Variants in TRPM3 observed in about 807,000 individuals in gnomAD.
The protein encoded by TRPM3 is transient receptor potential cation channel subfamily M member 3.
TRPM3 carries 77 observed loss-of-function variants against 181.2 expected under a neutral mutation model. That is an observed-to-expected ratio of 0.42 (90% CI 0.35 to 0.51). The LOEUF is 0.51. Ranked by LOEUF, TRPM3 falls within the 20% of genes least tolerant of loss-of-function variation. The pLI is 0.01. For missense variants in TRPM3, 1,759 were observed against 2,196.7 expected, an observed-to-expected ratio of 0.80 and a Z score of 3.98; for synonymous variants, 745 against 796.4, an observed-to-expected ratio of 0.94 and a Z score of 1.09.
At chr9:71,238,427 C>A (rs1326255299) in intron 1 of TRPM3, among the ~76,000 whole-genome samples, 8 of 152,112 alleles carry the variant, frequency 5.3e-5, no homozygotes, top group Admixed American at 2.0e-4. Flanking sequence ...CTATGGTGCC[C>A]CCCTACTTTA....
chr9:71,430,640 C>A (rs761734226), intron 1 of TRPM3, among the ~76,000 whole-genome samples: 1 of 151,788 alleles, frequency 6.6e-6, no homozygotes, highest in East Asian at 1.9e-4. Flanking sequence ...GGTGAAACCC[C>A]GTCTCTATTA....
chr9:70,748,831 C>T (rs958369580), intron 8 of TRPM3, among the ~76,000 whole-genome samples: 1 of 152,142 alleles, frequency 6.6e-6, no homozygotes, highest in African/African-American at 2.4e-5. Context: ...CAGACTAAAA[C>T]AATGGTCCCT....
intron 1 of TRPM3, among the ~76,000 whole-genome samples, chr9:70,926,786 T>C (rs2096725582): frequency 6.6e-6 from 1 of 152,234 alleles, no homozygotes; most frequent in Non-Finnish European, 1.5e-5. Context: ...GTCTCAGAGC[T>C]ACATGTGCTC....
chr9:71,149,217 T>C (rs1394125797), intron 1 of TRPM3, among the ~76,000 whole-genome samples: 1 of 151,830 alleles, frequency 6.6e-6, no homozygotes, highest in Non-Finnish European at 1.5e-5. Context: ...CTAAGCAACA[T>C]AGGGAGATCC....
intron 1 of TRPM3, among the ~76,000 whole-genome samples, chr9:70,911,027 G>T (rs1004051963): frequency 2.6e-5 from 4 of 152,172 alleles, no homozygotes; most frequent in African/African-American, 9.7e-5. Context: ...TACTGAGTCT[G>T]AAAAGTGTTT....
rs543016421 is a variant in TRPM3, at chr9:71,329,965, G to A, written c.183+116688C>T. ...CTAAGATTTAATTCACAGGAGTTGCGGGATGTAAGTTGGCAGACCAGAAAA... is the reference window on the plus strand; with the variant it reads ...CTAAGATTTAATTCACAGGAGTTGCAGGATGTAAGTTGGCAGACCAGAAAA... On this transcript the variant is annotated intron_variant, in intron 1 of 24. Transcript: ENST00000357533. Among the ~76,000 whole-genome samples the A allele has an allele frequency of 5.9e-5, 9 of 152,174 alleles. No homozygotes were observed. In the South Asian group the frequency reaches 1.5e-3, roughly 25 times the overall value.
intron 1 of TRPM3, among the ~76,000 whole-genome samples, chr9:70,944,598 G>C (rs2096915129): frequency 6.6e-6 from 1 of 152,158 alleles, no homozygotes; most frequent in Non-Finnish European, 1.5e-5. Flanking sequence ...AATGGGCAAA[G>C]AGTGGACCAT....
intron 21 of TRPM3, among the ~76,000 whole-genome samples, chr9:70,596,548 C>T (rs1293553780): frequency 6.6e-6 from 1 of 151,892 alleles, no homozygotes; most frequent in Non-Finnish European, 1.5e-5. Flanking sequence ...CCTGGCCAAC[C>T]TAGTGAAACC....
At chr9:70,580,318 T>C (rs1365071119) in intron 22 of TRPM3, among the ~76,000 whole-genome samples, 1 of 152,180 alleles carries the variant, frequency 6.6e-6, no homozygotes, top group African/African-American at 2.4e-5. Flanking sequence ...CCAAATCCCT[T>C]AGCCTGACAT....
chr9:70,582,990 G>A (rs1356045019), intron 22 of TRPM3, among the ~76,000 whole-genome samples: 2 of 152,160 alleles, frequency 1.3e-5, no homozygotes, highest in African/African-American at 4.8e-5. Context: ...GGTTAAATTA[G>A]TGTGGTGGAA....
intron 1 of TRPM3, among the ~76,000 whole-genome samples, chr9:71,021,051 A>G (rs952343661): frequency 6.6e-6 from 1 of 152,232 alleles, no homozygotes; most frequent in Non-Finnish European, 1.5e-5. Flanking sequence ...AACAAAAAAA[A>G]GAAAGAATTA....
chr9:71,248,358 CTTCCTCTGGACAT>C lies in TRPM3; in HGVS notation c.183+198282_183+198294del, dbSNP rs1429921683. 2.6e-5 allele frequency among the ~76,000 whole-genome samples: 4 copies of C among 152,176 alleles called. No homozygotes were observed. The East Asian group carries it at 7.7e-4, about 29-fold the overall frequency. On this transcript the variant is annotated intron_variant, in intron 1 of 24. Transcript: ENST00000357533. ...TCTGGGTATGGTAAGGTGGTTTCTTCTTCCTCTGGACATTCTGATATTTGAATGTGACTCCTAG... is the reference window on the plus strand; with the variant it reads ...TCTGGGTATGGTAAGGTGGTTTCTTCTCTGATATTTGAATGTGACTCCTAG...
intron 1 of TRPM3, among the ~76,000 whole-genome samples, chr9:71,119,228 A>G (rs1287883808): frequency 6.6e-6 from 1 of 152,188 alleles, no homozygotes; most frequent in African/African-American, 2.4e-5. Context: ...ATTTGGGAAA[A>G]AAGTTCTCCA....
intron 1 of TRPM3, among the ~76,000 whole-genome samples, chr9:71,285,952 A>G (rs577411199): frequency 5.5e-4 from 83 of 152,166 alleles, no homozygotes; most frequent in Non-Finnish European, 1.0e-3. Flanking sequence ...AAAATTATTC[A>G]TATTTGTCTA....
intron 8 of TRPM3, among the ~76,000 whole-genome samples, chr9:70,738,463 T>G (rs1319911082): frequency 6.6e-6 from 1 of 151,942 alleles, no homozygotes; most frequent in African/African-American, 2.4e-5. Context: ...ACACAACCTA[T>G]CAAAACCTCT....
chr9:70,575,419 CTGTT>C (rs1334060931), intron 22 of TRPM3, among the ~76,000 whole-genome samples: 5 of 152,130 alleles, frequency 3.3e-5, no homozygotes, highest in Non-Finnish European at 7.4e-5. Context: ...TGACACTGTG[CTGTT>C]TGTTTCATTC....
intron 22 of TRPM3, among the ~76,000 whole-genome samples, chr9:70,564,686 G>A (rs905227140): frequency 1.3e-5 from 2 of 152,140 alleles, no homozygotes; most frequent in Non-Finnish European, 2.9e-5. Context: ...CAGACTGCAT[G>A]TCTATGTGTA....
chr9:71,047,339 A>G (rs1216565164), intron 1 of TRPM3, among the ~76,000 whole-genome samples: 1 of 152,130 alleles, frequency 6.6e-6, no homozygotes, highest in Non-Finnish European at 1.5e-5. Context: ...ATATGATCCT[A>G]CTTTTTCTAG....
intron 7 of TRPM3, among the ~76,000 whole-genome samples, chr9:70,770,963 G>T (rs1258689037): frequency 6.6e-6 from 1 of 152,138 alleles, no homozygotes; most frequent in African/African-American, 2.4e-5. Flanking sequence ...GGATGAAGTA[G>T]GCCTGTGAAT....
Sources: allele counts gnomAD v4.1 joint callset (sites outside exome capture counted in the v4.1 genomes callset), GRCh38; gene constraint gnomAD v4.1.1; transcripts MANE v1.5; gene names NCBI Gene and HGNC (gene_info 2026-07-23, HGNC 2026-07-21).